Variants in GALK2 observed in about 807,000 individuals in gnomAD.
GALK2 encodes N-acetylgalactosamine kinase.
Under a neutral mutation model 52.4 loss-of-function variants are expected in GALK2, and 36 were observed. The observed-to-expected ratio is 0.69, with a 90% CI of 0.53 to 0.91. The LOEUF (loss-of-function observed/expected upper bound fraction) is 0.91, where lower values mean the gene tolerates loss of function less well. Ranked by LOEUF, GALK2 falls within the 40% of genes least tolerant of loss-of-function variation. The probability of loss-of-function intolerance (pLI) is 0.00; values close to 1 mark genes in which losing one functional copy is unlikely to be tolerated. For synonymous variants in GALK2, 176 were observed against 199.1 expected, an observed-to-expected ratio of 0.88 and a Z score of 0.98; for missense variants, 579 against 559.1, an observed-to-expected ratio of 1.04 and a Z score of -0.36.
intron 3 of GALK2, among the ~76,000 whole-genome samples, chr15:49,228,294 T>G (rs1178528127): frequency 1.3e-5 from 2 of 152,138 alleles, no homozygotes; most frequent in Non-Finnish European, 2.9e-5. Context: ...TCAGCTATTA[T>G]TTTGTTAAGT....
chr15:49,358,068 G>C (rs2151375695), intron 3 of GALK2, among the ~76,000 whole-genome samples: 1 of 152,112 alleles, frequency 6.6e-6, no homozygotes, highest in Middle Eastern at 3.4e-3. Context: ...CAATAAATTA[G>C]GTATTGATGG....
intron 8 of GALK2, among the ~76,000 whole-genome samples, chr15:49,294,753 T>C (rs910287769): frequency 6.6e-6 from 1 of 152,070 alleles, no homozygotes; most frequent in Non-Finnish European, 1.5e-5. Flanking sequence ...ATAATAAAGG[T>C]ATTTATCAAG....
chr15:49,235,629 T>C (rs780228865), intron 3 of GALK2: 2 of 678,000 alleles, frequency 2.9e-6, no homozygotes, highest in South Asian at 3.0e-5. Context: ...TTTCAGGAAA[T>C]AAAAAGGGTC....
intron 1 of GALK2, among the ~76,000 whole-genome samples, chr15:49,157,902 T>C (rs2084513710): frequency 6.6e-6 from 1 of 152,178 alleles, no homozygotes; most frequent in African/African-American, 2.4e-5. Context: ...ATTGAATTTC[T>C]TCTATAAAAT....
At chr15:49,343,541 G>A (rs1333143806) in intron 3 of GALK2, 1 of 152,084 alleles carries the variant, frequency 6.6e-6, no homozygotes, top group Non-Finnish European at 1.5e-5. Context: ...TACCCAATAC[G>A]ATTTTATTTG....
chr15:49,289,044 T>A (rs2033667966), intron 7 of GALK2, among the ~76,000 whole-genome samples: 1 of 152,232 alleles, frequency 6.6e-6, no homozygotes, highest in South Asian at 2.1e-4. Context: ...GAAACACTCT[T>A]TTATGTGCTC....
chr15:49,211,944 G>A (rs2088936648), intron 2 of GALK2, among the ~76,000 whole-genome samples: 1 of 152,008 alleles, frequency 6.6e-6, no homozygotes, highest in African/African-American at 2.4e-5. Context: ...ATGGGTCTAG[G>A]CATTGATCCC....
chr15:49,255,627 T>TCTGATGAA, intron 5 of GALK2, among the ~76,000 whole-genome samples: 1 of 105,774 alleles, frequency 9.5e-6, no homozygotes, highest in Non-Finnish European at 2.3e-5. Context: ...CCAATTGTAC[T>TCTGATGAA]TAACATTATT....
chr15:49,304,417 C>T (rs1331313474), intron 8 of GALK2, among the ~76,000 whole-genome samples: 1 of 152,188 alleles, frequency 6.6e-6, no homozygotes, highest in Non-Finnish European at 1.5e-5. Context: ...AGAGTTTGTT[C>T]ATCTAAGACA....
At chr15:49,339,692 T>C (rs969876549) in intron 3 of GALK2, among the ~76,000 whole-genome samples, 2 of 152,208 alleles carry the variant, frequency 1.3e-5, no homozygotes, top group African/African-American at 4.8e-5. Flanking sequence ...CTGCCAAGTA[T>C]GGACGTTTAA....
chr15:49,336,372 G>T (rs2039715898), downstream of GALK2, among the ~76,000 whole-genome samples: 1 of 152,166 alleles, frequency 6.6e-6, no homozygotes. Context: ...CTTTGAAGTG[G>T]CAATTGGCCA....
At chr15:49,181,499 G>T (rs1052946537) in intron 1 of GALK2, among the ~76,000 whole-genome samples, 4 of 138,402 alleles carry the variant, frequency 2.9e-5, no homozygotes, top group East Asian at 4.4e-4. Context: ...TTAAAAAAAA[G>T]ACTTTTTTTT....
chr15:49,201,235 A>G lies in GALK2; in HGVS notation c.127A>G (p.Arg43Gly). Residue 43 changes from arginine (R) to glycine (G), a missense_variant, in exon 2 of 10, where the codon AGA becomes GGA. Coordinates refer to ENST00000560031, the MANE Select transcript of GALK2 (RefSeq NM_002044.4). Reference sequence around the variant, plus strand: ...CAAGTTTTATGTTCGAGCACCAGGAAGAGTCAACATAATAGGTATTTCAAA... The same window carrying G: ...CAAGTTTTATGTTCGAGCACCAGGAGGAGTCAACATAATAGGTATTTCAAA... ...IPKFYVRAPG[R>G]VNIIGEHIDY... The G allele has an allele frequency of 6.2e-7, 1 of 1,602,478 alleles. No homozygotes were observed. Among genetic ancestry groups the G allele is most frequent in the Non-Finnish European group, 8.5e-7 (1 of 1,170,074 alleles).
intron 8 of GALK2, among the ~76,000 whole-genome samples, chr15:49,313,620 CTG>C (rs767996633): frequency 2.6e-5 from 4 of 152,252 alleles, no homozygotes; most frequent in Non-Finnish European, 4.4e-5. Context: ...TTTGTCTTAT[CTG>C]TGTAACTAAG....
chr15:49,206,215 AG>A, intron 2 of GALK2, among the ~76,000 whole-genome samples: 1 of 151,928 alleles, frequency 6.6e-6, no homozygotes, highest in Non-Finnish European at 1.5e-5. Context: ...TTTGCTATGC[AG>A]GCTCTTTTTT....
At chr15:49,198,743 C>A (rs2087458546) in intron 1 of GALK2, among the ~76,000 whole-genome samples, 1 of 151,510 alleles carries the variant, frequency 6.6e-6, no homozygotes, top group Non-Finnish European at 1.5e-5. Context: ...CTTTTTCTTT[C>A]TAGTAGTAGT....
chr15:49,319,218 T>G (rs2036683880), intron 8 of GALK2: 1 of 353,456 alleles, frequency 2.8e-6, no homozygotes, highest in African/African-American at 2.2e-5. Flanking sequence ...CCTCCCAAAG[T>G]GCTGGGATTA....
intron 2 of GALK2, among the ~76,000 whole-genome samples, chr15:49,214,925 A>C (rs2089254501): frequency 7.1e-6 from 1 of 140,566 alleles, no homozygotes; most frequent in Non-Finnish European, 1.6e-5. Context: ...GGTGTTGTTG[A>C]AACCCCTCAG....
intron 1 of GALK2, chr15:49,156,677 G>C: frequency 1.9e-6 from 1 of 516,766 alleles, no homozygotes; most frequent in Non-Finnish European, 3.8e-6. Context: ...CACTGTAGAA[G>C]CATTGACACT....
Sources: gnomAD v4.1 joint callset for allele counts (sites outside exome capture counted in the v4.1 genomes callset) on GRCh38, gnomAD v4.1.1 for gene constraint, MANE v1.5 for transcripts, NCBI Gene and HGNC (gene_info 2026-07-23, HGNC 2026-07-21) for gene names.